The following BANP variants were observed in gnomAD, a reference collection of about 807,000 sequenced individuals.
BANP encodes the protein BTG3 associated nuclear protein, also known as protein BANP.
A neutral mutation model predicts 68.1 loss-of-function variants in BANP; 11 were observed. The ratio of observed to expected loss-of-function variants is 0.16; its 90% CI spans 0.10 to 0.27. BANP has a LOEUF of 0.27. BANP is among the 10% of genes least tolerant of loss of function. The pLI, the probability that BANP is intolerant of heterozygous loss-of-function variation, is 1.00. For missense variants in BANP, 504 were observed against 722.7 expected (o/e 0.70, Z 3.47); for synonymous variants, 329 against 303.2 (o/e 1.09, Z -0.88).
chr16:87,955,807 A>G (rs1165587634), intron 1 of BANP, among the ~76,000 whole-genome samples: 1 of 152,208 alleles, frequency 6.6e-6, no homozygotes, highest in African/African-American at 2.4e-5. Context: ...AGTGAGACAC[A>G]TCACTTCTCT....
At chr16:88,052,417 A>G (rs947610463) in intron 11 of BANP, among the ~76,000 whole-genome samples, 4 of 151,818 alleles carry the variant, frequency 2.6e-5, no homozygotes, top group Admixed American at 1.3e-4. Context: ...GTTGAGTGCT[A>G]TTCTCATTTT....
At chr16:88,067,976 C>T (rs11643210) in intron 12 of BANP, among the ~76,000 whole-genome samples, 38,985 of 152,304 alleles carry the variant, frequency 0.26, 6,454 homozygotes, top group Non-Finnish European at 0.38. Flanking sequence ...CCCGCCCTCC[C>T]CCCACTGTCT....
intron 11 of BANP, among the ~76,000 whole-genome samples, chr16:88,044,183 G>A (rs1015099219): frequency 5.3e-5 from 8 of 152,242 alleles, no homozygotes; most frequent in African/African-American, 1.9e-4. Context: ...TGCTGCCTCT[G>A]GAGTGATGAG....
rs778143240 is a variant in BANP, at chr16:88,076,668, C to A, written c.*7C>A. The A allele has an allele frequency of 1.2e-6, 2 of 1,605,228 alleles. No homozygotes were observed. The highest frequency in any genetic ancestry group is 1.7e-6 in the Non-Finnish European group (2 of 1,178,752). ...GGCCATCCAGATTCAGTGAGCGGTG[C>A]CCATGGCACCAGGAGCCCCTCGCCG... On this transcript the variant is annotated 3_prime_UTR_variant, in exon 14 of 14. Coordinates refer to ENST00000682872, the MANE Select transcript of BANP (RefSeq NM_001386991.1).
intron 13 of BANP, among the ~76,000 whole-genome samples, chr16:88,074,406 G>C (rs2091149142): frequency 6.6e-6 from 1 of 152,160 alleles, no homozygotes; most frequent in Admixed American, 6.5e-5. Flanking sequence ...AGTGGGGCCT[G>C]TTCCCTGGAG....
rs1284445231 is a variant in BANP at position 87,957,678 on chromosome 16, G to C, written c.-69+6163G>C. Among the ~76,000 whole-genome samples, 1 of 152,272 alleles carries C rather than the reference G, an allele frequency of 6.6e-6. No individual in the cohort carries two copies. ...GCAAAGCTTAATCTTTCTGAAAGTA[G>C]AAACGCGTTTGGATGGAGCCGGGAG... On this transcript the variant is annotated intron_variant, in intron 1 of 13. Coordinates refer to ENST00000682872, the MANE Select transcript of BANP (RefSeq NM_001386991.1). The surrounding 1 kb of genome is among the most constrained non-coding windows in gnomAD (Gnocchi z 4.3).
At position 88,017,623 on chromosome 16, in the gene BANP, G is replaced by A. The variant is rs544234562; in HGVS notation, c.656-805G>A. On this transcript the variant is annotated intron_variant, in intron 6 of 13. Transcript: ENST00000682872. ...GCCCACGCTTGGGAGGGAGGGAGGC[G>A]GAGAGGTGTGGAGGGGCTGGCGGGC... Among the ~76,000 whole-genome samples the A allele has an allele frequency of 1.2e-4, 18 of 152,300 alleles. 1 individual carries two copies. The highest frequency in any genetic ancestry group is 8.5e-4 in the Admixed American group (13 of 15,308).
chr16:88,041,594 G>A (rs992869874), intron 11 of BANP, among the ~76,000 whole-genome samples: 2 of 152,138 alleles, frequency 1.3e-5, no homozygotes, highest in African/African-American at 4.8e-5. Context: ...CCTGTCTCAC[G>A]CTCTTTCTGC....
chr16:87,998,883 C>T (rs2068134540), intron 4 of BANP, among the ~76,000 whole-genome samples: 1 of 123,376 alleles, frequency 8.1e-6, no homozygotes, highest in Admixed American at 8.1e-5. Context: ...CATGCACGCA[C>T]GTGCGCGGCT....
intron 12 of BANP, among the ~76,000 whole-genome samples, chr16:88,066,639 A>G (rs2088697282): frequency 6.6e-6 from 1 of 152,264 alleles, no homozygotes; most frequent in African/African-American, 2.4e-5. Context: ...TGAGGCAGAA[A>G]TGAGAAAATC....
At chr16:88,008,819 C>T (rs1033120869) in intron 6 of BANP, among the ~76,000 whole-genome samples, 1 of 152,164 alleles carries the variant, frequency 6.6e-6, no homozygotes, top group African/African-American at 2.4e-5. Flanking sequence ...GGGTGAACTG[C>T]AGAACTTTTT....
chr16:88,040,458 C>G (rs561782415), intron 11 of BANP, among the ~76,000 whole-genome samples: 1 of 152,184 alleles, frequency 6.6e-6, no homozygotes, highest in South Asian at 2.1e-4. Flanking sequence ...AGCCCATTCG[C>G]TCTCCTCCCC....
In BANP at chr16:88,003,737, C is replaced by A. The variant is rs1169549441; in HGVS notation, c.363-558C>A. 3 of 333,818 alleles carry A rather than the reference C, an allele frequency of 9.0e-6. No homozygotes were observed. The highest frequency in any genetic ancestry group is 1.8e-5 in the Non-Finnish European group (3 of 170,110). 20.7% of individuals were successfully genotyped at this position (333,818 alleles called of 1,614,324 possible). A position where few individuals can be genotyped will look rare whatever the true frequency, so the allele number is the denominator to read the frequency against. ...CCTTTGGTTGTAGCTCACACATGTT[C>A]CTGCAGGACCTGGAGGCAGCATGTG... On this transcript the variant is annotated intron_variant, in intron 4 of 13. Coordinates refer to ENST00000682872, the MANE Select transcript of BANP (RefSeq NM_001386991.1). This position sits in a 1 kb window ranked among gnomAD's most constrained non-coding sequence, Gnocchi z 6.1.
At position 88,050,279 on chromosome 16, in the gene BANP, C is replaced by T. The variant is rs369683132; in HGVS notation, c.1311+12268C>T. Among the ~76,000 whole-genome samples, 3 of 152,314 alleles carry T rather than the reference C, an allele frequency of 2.0e-5. No individual in the cohort carries two copies. The South Asian group carries it at 6.2e-4, about 32-fold the overall frequency. ...TCAGGCAATCCTCCCACCTCAGCCT[C>T]CCCGGTGGCTGGGACCACAGCTCGG... is the stretch of plus-strand genomic sequence containing the variant. On this transcript the variant is annotated intron_variant, in intron 11 of 13. Coordinates refer to ENST00000682872, the MANE Select transcript of BANP (RefSeq NM_001386991.1).
chr16:87,983,984 C>T (rs2063796977), intron 3 of BANP, 76 bp from the exon 4 acceptor site: 2 of 1,483,440 alleles, frequency 1.3e-6, no homozygotes, highest in African/African-American at 1.4e-5. Context: ...CAGGAAATAG[C>T]TGTTTGGTGT....
At position 88,038,065 on chromosome 16, in the gene BANP, G is replaced by A; in HGVS notation, c.1311+54G>A. 5 of 1,390,640 alleles carry A rather than the reference G, an allele frequency of 3.6e-6. No homozygotes were observed. The East Asian group carries it at 9.2e-5, about 26-fold the overall frequency. 86.1% of individuals were successfully genotyped at this position (1,390,640 alleles called of 1,614,324 possible). On this transcript the variant is annotated intron_variant, in intron 11 of 13. Transcript: ENST00000682872. ...GGGCGTTGCGCTGCCGAGGGATGGG[G>A]TTCTCAGGGGAGGGGGTGGGACGGT...
At chr16:88,026,564 A>G (rs1238461963) in intron 7 of BANP, among the ~76,000 whole-genome samples, 2 of 152,308 alleles carry the variant, frequency 1.3e-5, no homozygotes, top group East Asian at 3.9e-4. Context: ...TGCGAGGGGA[A>G]CAGAATAACA....
rs2069689138 is a variant in BANP at position 88,002,491 on chromosome 16, A to G, written c.363-1804A>G. Among the ~76,000 whole-genome samples the G allele has an allele frequency of 6.6e-6, 1 of 151,970 alleles. No individual in the cohort carries two copies. Among genetic ancestry groups the G allele is most frequent in the Non-Finnish European group, 1.5e-5 (1 of 68,008 alleles). On this transcript the variant is annotated intron_variant, in intron 4 of 13. Coordinates refer to ENST00000682872, the MANE Select transcript of BANP (RefSeq NM_001386991.1). This position sits in a 1 kb window ranked among gnomAD's most constrained non-coding sequence, Gnocchi z 4.6. ...AGCAGAGGTTGTTTTTTAGGTGGGA[A>G]AAGGGCTTTGTGGAAGGGAACACAC...
intron 12 of BANP, among the ~76,000 whole-genome samples, chr16:88,067,164 C>T (rs2088906337): frequency 6.6e-6 from 1 of 152,242 alleles, no homozygotes; most frequent in Non-Finnish European, 1.5e-5. Context: ...CCCTTTGCAG[C>T]TCTGTGCCGC....
Sources: gnomAD v4.1 joint callset for allele counts (sites outside exome capture counted in the v4.1 genomes callset) on GRCh38, gnomAD v4.1.1 for gene constraint, Gnocchi (gnomAD v3.1) non-coding constraint, MANE v1.5 for transcripts, NCBI Gene and HGNC (gene_info 2026-07-23, HGNC 2026-07-21) for gene names.